The following PTPRE variants were observed in gnomAD, a reference collection of about 807,000 sequenced individuals.
The protein encoded by PTPRE is receptor-type tyrosine-protein phosphatase epsilon.
In PTPRE, 51 loss-of-function variants were observed where a neutral mutation model predicts 102.0. The observed-to-expected ratio is 0.50, with a 90% CI of 0.40 to 0.63. The LOEUF (loss-of-function observed/expected upper bound fraction) is 0.63. Ranked by LOEUF, PTPRE falls within the 30% of genes least tolerant of loss-of-function variation. The pLI, the probability that PTPRE is intolerant of heterozygous loss-of-function variation, is 0.00. For synonymous variants in PTPRE, 345 were observed against 348.2 expected, an observed-to-expected ratio of 0.99 and a Z score of 0.10; for missense variants, 752 against 915.1, an observed-to-expected ratio of 0.82 and a Z score of 2.30.
At chr10:127,925,498 C>T (rs1404786264) in intron 1 of PTPRE, among the ~76,000 whole-genome samples, 3 of 152,122 alleles carry the variant, frequency 2.0e-5, no homozygotes, top group Admixed American at 6.5e-5. Flanking sequence ...AGACGGCTAC[C>T]GCAGAGTTCT....
chr10:128,032,190 AT>A (rs1411137981), intron 2 of PTPRE, among the ~76,000 whole-genome samples: 1 of 151,844 alleles, frequency 6.6e-6, no homozygotes, highest in Admixed American at 6.6e-5. Flanking sequence ...TAATTTTTGT[AT>A]TTTTAGTAGA....
In PTPRE at chr10:127,991,056, G is replaced by T. The variant is rs562358220; in HGVS notation, c.-8+8760G>T. ...TGTTGCTAGAAGAAGTGATTCACTG[G>T]GAAGGTGAACCACTTCATCTCGTCA... On this transcript the variant is annotated intron_variant, in intron 2 of 20. Coordinates refer to ENST00000254667, the MANE Select transcript of PTPRE (RefSeq NM_006504.6). Among the ~76,000 whole-genome samples the T allele has an allele frequency of 1.8e-3, 275 of 152,296 alleles. 2 individuals carry two copies. Among genetic ancestry groups the T allele is most frequent in the Middle Eastern group, 3.4e-3 (1 of 294 alleles).
intron 2 of PTPRE, among the ~76,000 whole-genome samples, chr10:128,012,140 C>T (rs1470223949): frequency 2.0e-5 from 3 of 152,024 alleles, no homozygotes; most frequent in Admixed American, 1.3e-4. Flanking sequence ...CCCAGGTCCA[C>T]CTGTCTCCTG....
intron 1 of PTPRE, among the ~76,000 whole-genome samples, chr10:127,933,788 A>C (rs1421045600): frequency 6.6e-6 from 1 of 152,184 alleles, no homozygotes; most frequent in Non-Finnish European, 1.5e-5. Flanking sequence ...CCCAGGTGGC[A>C]GAGTGGAAGA....
intron 1 of PTPRE, among the ~76,000 whole-genome samples, chr10:127,960,721 C>G (rs927536103): frequency 3.3e-5 from 5 of 152,166 alleles, no homozygotes; most frequent in African/African-American, 1.2e-4. Flanking sequence ...ATACGTGAGG[C>G]TTTTCAAAAA....
intron 2 of PTPRE, among the ~76,000 whole-genome samples, chr10:128,009,495 C>T (rs1844794649): frequency 6.6e-6 from 1 of 152,192 alleles, no homozygotes. Context: ...TGCAAAGGCC[C>T]CCTGTGTGCC....
chr10:128,056,568 TGGC>T (rs1344993066), intron 7 of PTPRE, among the ~76,000 whole-genome samples: 2 of 152,226 alleles, frequency 1.3e-5, no homozygotes, highest in African/African-American at 4.8e-5. Context: ...GGCCTGCCAG[TGGC>T]CCTGGGCAGC....
chr10:128,036,221 C>T (rs1222295074), intron 2 of PTPRE, among the ~76,000 whole-genome samples: 4 of 152,094 alleles, frequency 2.6e-5, no homozygotes, highest in Non-Finnish European at 5.9e-5. Flanking sequence ...AGTGCAGTGA[C>T]TTCCTGCAGC....
chr10:127,995,285 C>G (rs1042933107), intron 2 of PTPRE, among the ~76,000 whole-genome samples: 11 of 152,168 alleles, frequency 7.2e-5, no homozygotes, highest in African/African-American at 2.7e-4. Flanking sequence ...TGAAAGGCAC[C>G]GTGTCCACTT....
Position 127,911,358 on chromosome 10 carries a change from T to C in PTPRE, c.-31+4049T>C, listed in dbSNP as rs984517682. Among the ~76,000 whole-genome samples, 35 of 152,236 alleles carry C rather than the reference T, an allele frequency of 2.3e-4. 1 individual carries two copies. Among genetic ancestry groups the C allele is most frequent in the Non-Finnish European group, 1.6e-4 (11 of 68,042 alleles). Reference sequence around the variant, plus strand: ...TGATCGATGAGGCAGAAATGCAACTTGCTGTGCACATTAACCAGGCTCGTG... The same window carrying C: ...TGATCGATGAGGCAGAAATGCAACTCGCTGTGCACATTAACCAGGCTCGTG... On this transcript the variant is annotated intron_variant, in intron 1 of 20. Transcript: ENST00000254667.
intron 1 of PTPRE, among the ~76,000 whole-genome samples, chr10:127,953,067 G>A (rs7099752): frequency 0.18 from 27,074 of 152,194 alleles, 2,506 homozygotes; most frequent in African/African-American, 0.23. Context: ...GAAACTATTT[G>A]GATTTTGTAA....
chr10:127,956,525 G>C (rs550149590), intron 1 of PTPRE, among the ~76,000 whole-genome samples: 3 of 152,198 alleles, frequency 2.0e-5, no homozygotes, highest in Non-Finnish European at 4.4e-5. Flanking sequence ...GAATAAAGCT[G>C]CTATATACAT....
At chr10:128,055,467 G>A (rs10741141) in intron 6 of PTPRE, among the ~76,000 whole-genome samples, 45,701 of 152,038 alleles carry the variant, frequency 0.3, 7,942 homozygotes, top group Admixed American at 0.49. Flanking sequence ...CCAAAGACGT[G>A]TGCACTGAAG....
At chr10:127,958,588 G>T (rs1367771809) in intron 1 of PTPRE, among the ~76,000 whole-genome samples, 3 of 152,090 alleles carry the variant, frequency 2.0e-5, no homozygotes, top group Admixed American at 2.0e-4. Flanking sequence ...TTTTGGATTT[G>T]ATTTGCTAAT....
chr10:128,034,546 A>G (rs1443470263), intron 2 of PTPRE, among the ~76,000 whole-genome samples: 1 of 151,968 alleles, frequency 6.6e-6, no homozygotes, highest in Admixed American at 6.6e-5. Flanking sequence ...AAAGTCTTAA[A>G]TTTTGCCAGT....
intron 1 of PTPRE, among the ~76,000 whole-genome samples, chr10:127,909,896 CAT>C (rs1462539841): frequency 6.6e-6 from 1 of 152,176 alleles, no homozygotes; most frequent in African/African-American, 2.4e-5. Context: ...ATCCAGGGCT[CAT>C]GTGGCCAGCC....
rs1435232167 is a variant in PTPRE, at chr10:128,060,957, T to C, written c.530T>C (p.Ile177Thr). 2.5e-6 allele frequency: 4 copies of C among 1,614,188 alleles called. No individual in the cohort carries two copies. The highest frequency in any genetic ancestry group is 3.4e-6 in the Non-Finnish European group (4 of 1,180,010). The stretch of plus-strand genomic sequence containing the variant: ...TTTCCAGATGACCATTCTAGGGTGA[T>C]TCTGAGCCAACTGGATGGAATTCCC... ...NILPNDHSRVILSQLDGIPCS... is the reference protein window; with the variant it reads ...NILPNDHSRVTLSQLDGIPCS... Residue 177 changes from isoleucine (I) to threonine (T), a missense_variant, in exon 8 of 21, where the codon ATT (isoleucine) becomes ACT (threonine). Around this residue, in one of 2 missense-constraint regions of PTPRE, gnomAD observed 636 missense variants for 824.4 expected, o/e 0.77. Transcript: ENST00000254667.
At chr10:127,962,349 G>C (rs747715) in intron 1 of PTPRE, among the ~76,000 whole-genome samples, 1 of 152,158 alleles carries the variant, frequency 6.6e-6, no homozygotes, top group East Asian at 1.9e-4. Context: ...TAACTCTCAA[G>C]GCCCCATGAG....
At position 127,915,960 on chromosome 10, in the gene PTPRE, C is replaced by T. The variant is rs115225233; in HGVS notation, c.-31+8651C>T. Among the ~76,000 whole-genome samples the T allele has an allele frequency of 9.1e-3, 1,363 of 149,966 alleles. 17 individuals are homozygous for T. The highest frequency in any genetic ancestry group is 0.031 in the African/African-American group (1,276 of 40,598). ...CACTGTAAGCCCAGGAGCATCCGTA[C>T]GTACAAGCACTGTGCTTAGCGCTGG... On this transcript the variant is annotated intron_variant, in intron 1 of 20. Coordinates refer to ENST00000254667, the MANE Select transcript of PTPRE (RefSeq NM_006504.6).
Sources: allele counts gnomAD v4.1 joint callset (sites outside exome capture counted in the v4.1 genomes callset), GRCh38; gene constraint gnomAD v4.1.1; regional missense constraint gnomAD v4.1.1; transcripts MANE v1.5; gene names NCBI Gene and HGNC (gene_info 2026-07-23, HGNC 2026-07-21).